The following ABHD12 variants were observed in gnomAD, a reference collection of about 807,000 sequenced individuals.
ABHD12 encodes abhydrolase domain containing 12, lysophospholipase.
Under a neutral mutation model 58.3 loss-of-function variants are expected in ABHD12, and 43 were observed. That is an observed-to-expected ratio of 0.74 (90% confidence interval 0.58 to 0.95). The LOEUF is 0.95. ABHD12 is among the 40% of genes least tolerant of loss of function. ABHD12 has a pLI of 0.00. For missense variants in ABHD12, 539 were observed against 537.2 expected (o/e 1.00, Z -0.03); for synonymous variants, 219 against 211.2 (o/e 1.04, Z -0.32).
At chr20:25,294,996 T>C in exon 13 of ABHD12, 1 of 1,614,228 alleles carries the variant, frequency 6.2e-7, no homozygotes, top group Non-Finnish European at 8.5e-7. Context: ...GACCACATGC[T>C]GGGATCTGGG....
chr20:25,319,224 A>G (rs1322693160), intron 4 of ABHD12, among the ~76,000 whole-genome samples: 1 of 152,184 alleles, frequency 6.6e-6, no homozygotes, highest in East Asian at 1.9e-4. Context: ...GGGTTCTCCC[A>G]CAGAGGCTCT....
intron 1 of ABHD12, among the ~76,000 whole-genome samples, chr20:25,362,346 A>T (rs1354974427): frequency 6.6e-6 from 1 of 151,786 alleles, no homozygotes; most frequent in Non-Finnish European, 1.5e-5. Context: ...AGCTGGGTGG[A>T]TAACGAGGTC....
chr20:25,300,133 C>G, downstream of ABHD12: 1 of 933,050 alleles, frequency 1.1e-6, no homozygotes, highest in Non-Finnish European at 1.3e-6. Flanking sequence ...GGCTCCAAAG[C>G]GGCTAGAGGC....
intron 2 of ABHD12, among the ~76,000 whole-genome samples, chr20:25,337,651 G>A (rs2089395190): frequency 6.6e-6 from 1 of 152,250 alleles, no homozygotes; most frequent in African/African-American, 2.4e-5. Context: ...TGGCAGCAAA[G>A]GCACCTGCCC....
At chr20:25,368,124 G>A (rs910805493) in intron 1 of ABHD12, among the ~76,000 whole-genome samples, 22 of 152,102 alleles carry the variant, frequency 1.4e-4, no homozygotes, top group Non-Finnish European at 2.9e-4. Context: ...AGCTAGGCAC[G>A]GAAGGGAACA....
At chr20:25,309,796 A>G in intron 6 of ABHD12, among the ~76,000 whole-genome samples, 1 of 152,240 alleles carries the variant, frequency 6.6e-6, no homozygotes, top group Non-Finnish European at 1.5e-5. Flanking sequence ...AAGGCAGCCC[A>G]GCAGCAACCC....
chr20:25,325,401 C>CA (rs1426923599), intron 2 of ABHD12, among the ~76,000 whole-genome samples: 1 of 152,128 alleles, frequency 6.6e-6, no homozygotes, highest in African/African-American at 2.4e-5. Context: ...GCCTCACCCC[C>CA]AGTACCTAAG....
chr20:25,332,226 T>C (rs2089289289), intron 2 of ABHD12, among the ~76,000 whole-genome samples: 1 of 151,422 alleles, frequency 6.6e-6, no homozygotes, highest in African/African-American at 2.4e-5. Flanking sequence ...TACTTAATGG[T>C]AAAGGGATCA....
At chr20:25,356,076 C>G (rs1045121344) in intron 1 of ABHD12, among the ~76,000 whole-genome samples, 7 of 152,272 alleles carry the variant, frequency 4.6e-5, no homozygotes, top group Admixed American at 1.3e-4. Context: ...GTTGATGAAG[C>G]CTGTTTCTAT....
intron 6 of ABHD12, among the ~76,000 whole-genome samples, chr20:25,313,980 T>C (rs2088913344): frequency 4.1e-5 from 1 of 24,324 alleles, no homozygotes; most frequent in Non-Finnish European, 7.8e-5. Context: ...TTAACAGTTC[T>C]TTTTTTTTTT....
At chr20:25,380,896 C>T (rs1351222353) in intron 1 of ABHD12, among the ~76,000 whole-genome samples, 1 of 152,230 alleles carries the variant, frequency 6.6e-6, no homozygotes, top group Non-Finnish European at 1.5e-5. Flanking sequence ...CCAAACATTA[C>T]TTCTCCTGCC....
intron 2 of ABHD12, among the ~76,000 whole-genome samples, chr20:25,338,630 G>A (rs1458004448): frequency 6.6e-6 from 1 of 152,042 alleles, no homozygotes; most frequent in Non-Finnish European, 1.5e-5. Context: ...GTTCACTCAA[G>A]GAGACTACAA....
intron 1 of ABHD12, among the ~76,000 whole-genome samples, chr20:25,366,019 G>A (rs2089815717): frequency 6.6e-6 from 1 of 152,152 alleles, no homozygotes; most frequent in Non-Finnish European, 1.5e-5. Flanking sequence ...CAGCCTGGCT[G>A]ACATAGTAAG....
chr20:25,386,563 T>C (rs1256819919), intron 1 of ABHD12, among the ~76,000 whole-genome samples: 1 of 151,640 alleles, frequency 6.6e-6, no homozygotes, highest in African/African-American at 2.4e-5. Flanking sequence ...CCCGGCCTCA[T>C]GATGTAAAAT....
At chr20:25,379,190 G>A (rs773412775) in intron 1 of ABHD12, among the ~76,000 whole-genome samples, 2 of 152,194 alleles carry the variant, frequency 1.3e-5, no homozygotes, top group Non-Finnish European at 2.9e-5. Flanking sequence ...ACTCAACTAT[G>A]CAGAACATGT....
intron 1 of ABHD12, among the ~76,000 whole-genome samples, chr20:25,379,043 TG>T (rs2089992386): frequency 2.0e-5 from 3 of 152,244 alleles, no homozygotes; most frequent in African/African-American, 7.2e-5. Context: ...GAGTTCTGCC[TG>T]GTCCCACCTG....
At chr20:25,387,688 C>G (rs116470541) in intron 1 of ABHD12, among the ~76,000 whole-genome samples, 6,022 of 151,540 alleles carry the variant, frequency 0.04, 198 homozygotes, top group Non-Finnish European at 0.06. Context: ...TGCAGTGGGC[C>G]ATGATCATGC....
intron 1 of ABHD12, chr20:25,339,716 C>G: frequency 7.3e-7 from 1 of 1,362,478 alleles, no homozygotes; most frequent in East Asian, 4.5e-5. Flanking sequence ...AAAGAGCGGC[C>G]TCCTCAGGCC....
chr20:25,310,763 A>G (rs924887458), intron 6 of ABHD12, among the ~76,000 whole-genome samples: 2 of 152,202 alleles, frequency 1.3e-5, no homozygotes, highest in African/African-American at 4.8e-5. Context: ...GCACAGAGAC[A>G]GGGACAGGAG....
Sources: gnomAD v4.1 joint callset for allele counts (sites outside exome capture counted in the v4.1 genomes callset) on GRCh38, gnomAD v4.1.1 for gene constraint, MANE v1.5 for transcripts, NCBI Gene and HGNC (gene_info 2026-07-23, HGNC 2026-07-21) for gene names.